The following KLHL1 variants were observed in gnomAD, a reference collection of about 807,000 sequenced individuals.
The protein encoded by KLHL1 is kelch like family member 1.
KLHL1 carries 47 observed loss-of-function variants against 77.7 expected under a neutral mutation model. The ratio of observed to expected loss-of-function variants is 0.60; its 90% CI spans 0.48 to 0.77. The LOEUF (loss-of-function observed/expected upper bound fraction) is 0.77, where lower values mean the gene tolerates loss of function less well. Ranked by LOEUF, KLHL1 falls within the 30% of genes least tolerant of loss-of-function variation. KLHL1 has a pLI of 0.00. For missense variants in KLHL1, 925 were observed against 910.8 expected (o/e 1.02, Z -0.20); for synonymous variants, 360 against 325.2 (o/e 1.11, Z -1.15).
intron 4 of KLHL1, among the ~76,000 whole-genome samples, chr13:69,899,661 C>T (rs907877559): frequency 3.3e-5 from 5 of 152,088 alleles, no homozygotes; most frequent in African/African-American, 9.7e-5. Context: ...ACATACACGG[C>T]TTTCTAGGCA....
chr13:69,932,138 TA>T (rs1355173143), intron 4 of KLHL1, among the ~76,000 whole-genome samples: 1 of 151,834 alleles, frequency 6.6e-6, no homozygotes, highest in Admixed American at 6.6e-5. Flanking sequence ...GGTGCTATAC[TA>T]AGCATTAAGA....
chr13:69,747,558 C>T (rs1306838172), intron 7 of KLHL1, among the ~76,000 whole-genome samples: 1 of 151,954 alleles, frequency 6.6e-6, no homozygotes, highest in Admixed American at 6.6e-5. Flanking sequence ...ATATTGTTGT[C>T]TTCATACTCA....
chr13:69,918,235 AATTTT>A (rs1882510495), intron 4 of KLHL1, among the ~76,000 whole-genome samples: 1 of 151,906 alleles, frequency 6.6e-6, no homozygotes, highest in African/African-American at 2.4e-5. Context: ...TAGTTTTGTA[AATTTT>A]ATTTTAAAAT....
At chr13:69,761,879 A>G (rs1208105039) in intron 7 of KLHL1, among the ~76,000 whole-genome samples, 5 of 152,188 alleles carry the variant, frequency 3.3e-5, no homozygotes, top group Admixed American at 2.6e-4. Flanking sequence ...TTATATTAAA[A>G]TATATGTTGA....
intron 1 of KLHL1, among the ~76,000 whole-genome samples, chr13:70,076,087 C>A (rs1282689428): frequency 3.3e-5 from 5 of 151,718 alleles, no homozygotes; most frequent in Admixed American, 2.6e-4. Flanking sequence ...TAAATGAGAT[C>A]CTGATCATAA....
intron 4 of KLHL1, among the ~76,000 whole-genome samples, chr13:69,928,067 C>T (rs1255089264): frequency 1.3e-5 from 2 of 152,194 alleles, no homozygotes; most frequent in South Asian, 2.1e-4. Flanking sequence ...GCACTACATA[C>T]TAACCATTGG....
At chr13:70,004,381 G>C (rs11619708) in intron 1 of KLHL1, among the ~76,000 whole-genome samples, 3 of 151,602 alleles carry the variant, frequency 2.0e-5, no homozygotes, top group Admixed American at 6.6e-5. Context: ...AATGCTAAGC[G>C]TCCAAGATTA....
At chr13:69,859,660 TG>T (rs2138149374) in intron 5 of KLHL1, among the ~76,000 whole-genome samples, 1 of 152,252 alleles carries the variant, frequency 6.6e-6, no homozygotes, top group South Asian at 2.1e-4. Flanking sequence ...TAAAAATTAT[TG>T]ACACTTTAGT....
At chr13:69,869,816 T>C (rs1367534128) in intron 5 of KLHL1, among the ~76,000 whole-genome samples, 1 of 152,224 alleles carries the variant, frequency 6.6e-6, no homozygotes, top group Non-Finnish European at 1.5e-5. Context: ...TATTTTAAAT[T>C]ACAGAAGTTG....
chr13:69,849,196 A>G lies in KLHL1; in HGVS notation c.1228-10034T>C, dbSNP rs1413332621. Among the ~76,000 whole-genome samples, 2 of 151,376 alleles carry G rather than the reference A, an allele frequency of 1.3e-5. 1 individual carries two copies. Among genetic ancestry groups the G allele is most frequent in the Non-Finnish European group, 3.0e-5 (2 of 67,624 alleles). ...CATCATTTTCACTCACCACTAATCT[A>G]TTTTACTCAAGTCCAACCTTCTCTC... On this transcript the variant is annotated intron_variant, in intron 5 of 10. Coordinates refer to ENST00000377844, the MANE Select transcript of KLHL1 (RefSeq NM_020866.3).
At chr13:69,850,865 A>G (rs1366332953) in intron 5 of KLHL1, among the ~76,000 whole-genome samples, 1 of 151,656 alleles carries the variant, frequency 6.6e-6, no homozygotes, top group Admixed American at 6.6e-5. Context: ...ATTATCCTTC[A>G]CGAGAACAAT....
chr13:69,911,881 A>G (rs1186403878), intron 4 of KLHL1, among the ~76,000 whole-genome samples: 1 of 152,170 alleles, frequency 6.6e-6, no homozygotes, highest in Non-Finnish European at 1.5e-5. Context: ...ACAACAACCA[A>G]TCTTCATTCC....
Position 70,107,193 on chromosome 13 carries a change from C to G in KLHL1, c.497+10G>C. On this transcript the variant is annotated intron_variant, in intron 1 of 10. Transcript: ENST00000377844. Reference sequence around the variant, plus strand: ...GAGATGCTTGGAAGCCCCGTGGGGACTTACTGTACCTGTGTCCACATCCTT... The same window carrying G: ...GAGATGCTTGGAAGCCCCGTGGGGAGTTACTGTACCTGTGTCCACATCCTT... 6.3e-7 allele frequency: 1 copy of G among 1,583,432 alleles called. No individual in the cohort carries two copies. The highest frequency in any genetic ancestry group is 8.6e-7 in the Non-Finnish European group (1 of 1,163,660).
chr13:69,923,767 G>A (rs968184254), intron 4 of KLHL1, among the ~76,000 whole-genome samples: 1 of 152,186 alleles, frequency 6.6e-6, no homozygotes, highest in African/African-American at 2.4e-5. Context: ...TGCAGCCAGG[G>A]CTACATTTGC....
chr13:70,084,711 G>A (rs1343837483), intron 1 of KLHL1, among the ~76,000 whole-genome samples: 6 of 135,624 alleles, frequency 4.4e-5, no homozygotes, highest in Non-Finnish European at 9.1e-5. Flanking sequence ...TCCTGACCTC[G>A]TGATCCACCC....
chr13:69,801,199 A>T (rs192959597), intron 6 of KLHL1, among the ~76,000 whole-genome samples: 1 of 152,260 alleles, frequency 6.6e-6, no homozygotes, highest in African/African-American at 2.4e-5. Context: ...TTGTTAACTG[A>T]AGAATGACCA....
intron 4 of KLHL1, among the ~76,000 whole-genome samples, chr13:69,904,807 A>C (rs571123060): frequency 6.6e-6 from 1 of 152,266 alleles, no homozygotes; most frequent in South Asian, 2.1e-4. Flanking sequence ...ATGCTGCTGA[A>C]CTATACTGAG....
chr13:69,980,050 A>T (rs1453767336), intron 1 of KLHL1, among the ~76,000 whole-genome samples: 1 of 152,130 alleles, frequency 6.6e-6, no homozygotes, highest in Admixed American at 6.6e-5. Context: ...TTTAGCATTT[A>T]ATTTCCTATC....
At chr13:69,731,501 T>C (rs1326197556) in intron 8 of KLHL1, among the ~76,000 whole-genome samples, 1 of 152,156 alleles carries the variant, frequency 6.6e-6, no homozygotes, top group Non-Finnish European at 1.5e-5. Context: ...GCAGTGGTGA[T>C]AGTAGGATTT....
Sources: allele counts gnomAD v4.1 joint callset (sites outside exome capture counted in the v4.1 genomes callset), GRCh38; gene constraint gnomAD v4.1.1; transcripts MANE v1.5; gene names NCBI Gene and HGNC (gene_info 2026-07-23, HGNC 2026-07-21).